CDH22: variants seen among roughly 807,000 people sequenced by gnomAD.
CDH22 encodes the protein cadherin 22.
In CDH22, 30 loss-of-function variants were observed where a neutral mutation model predicts 58.4. That is an observed-to-expected ratio of 0.51 (90% CI 0.38 to 0.70). CDH22 has a LOEUF of 0.70. Ranked by LOEUF, CDH22 falls within the 30% of genes least tolerant of loss-of-function variation. The pLI, the probability that CDH22 is intolerant of heterozygous loss-of-function variation, is 0.00. For synonymous variants in CDH22, 513 were observed against 558.2 expected (o/e 0.92, Z 1.14); for missense variants, 1,014 against 1,233.9 (o/e 0.82, Z 2.67).
At chr20:46,263,248 T>C (rs1052788003) in intron 1 of CDH22, among the ~76,000 whole-genome samples, 11 of 152,066 alleles carry the variant, frequency 7.2e-5, no homozygotes, top group Non-Finnish European at 1.6e-4. Flanking sequence ...CATGATGGGG[T>C]TGCCTGGTTA....
intron 1 of CDH22, among the ~76,000 whole-genome samples, chr20:46,257,258 G>A (rs992594030): frequency 1.3e-5 from 2 of 151,150 alleles, no homozygotes; most frequent in African/African-American, 4.9e-5. Context: ...GCTGCAATGA[G>A]ACATGATCAC....
chr20:46,243,969 A>G (rs1247845107), intron 2 of CDH22, among the ~76,000 whole-genome samples: 1 of 152,160 alleles, frequency 6.6e-6, no homozygotes, highest in Non-Finnish European at 1.5e-5. Context: ...CCACTCACTA[A>G]TGTTGGGACC....
intron 8 of CDH22, among the ~76,000 whole-genome samples, chr20:46,198,541 C>T (rs955181061): frequency 6.6e-6 from 1 of 152,080 alleles, no homozygotes. Context: ...CTATTGCTTT[C>T]AGCTTCTAGC....
At chr20:46,227,379 G>A (rs1431775393) in intron 4 of CDH22, 129 bp downstream of exon 4, 2 of 861,488 alleles carry the variant, frequency 2.3e-6, no homozygotes, top group African/African-American at 3.3e-5. Context: ...TGTGCACAAG[G>A]TGCCCCCTGT....
At chr20:46,302,734 T>A (rs970260237) in intron 1 of CDH22, among the ~76,000 whole-genome samples, 33 of 152,102 alleles carry the variant, frequency 2.2e-4, no homozygotes, top group Non-Finnish European at 4.3e-4. Flanking sequence ...CCATCCAGCA[T>A]CCCCACTCAT....
intron 4 of CDH22, among the ~76,000 whole-genome samples, chr20:46,226,231 C>CCCTCTT: frequency 1.2e-5 from 1 of 86,600 alleles, no homozygotes; most frequent in Admixed American, 1.1e-4. Context: ...TCTGGCAACA[C>CCCTCTT]CTTCTTCTTC....
In CDH22 at chr20:46,301,426, G is replaced by C. The variant is rs1308263362; in HGVS notation, c.-400+6829C>G. Among the ~76,000 whole-genome samples the C allele has an allele frequency of 2.6e-5, 4 of 152,036 alleles. No individual in the cohort carries two copies. The East Asian group carries it at 7.7e-4, about 29-fold the overall frequency. Reference sequence around the variant, plus strand: ...TTCAACTCTGCTCTGTCTGGCTCCAGAGCCCATGCACCTAATCAGTAGGTT... The same window carrying C: ...TTCAACTCTGCTCTGTCTGGCTCCACAGCCCATGCACCTAATCAGTAGGTT... On this transcript the variant is annotated intron_variant, in intron 1 of 11. Coordinates refer to ENST00000537909, the MANE Select transcript of CDH22 (RefSeq NM_021248.3).
At chr20:46,268,228 A>G (rs1007192334) in intron 1 of CDH22, among the ~76,000 whole-genome samples, 1 of 152,222 alleles carries the variant, frequency 6.6e-6, no homozygotes, top group African/African-American at 2.4e-5. Flanking sequence ...TGGAAACAAT[A>G]GCAGGCAAGA....
chr20:46,224,705 G>A (rs1255690616), intron 4 of CDH22, among the ~76,000 whole-genome samples: 1 of 152,122 alleles, frequency 6.6e-6, no homozygotes, highest in Non-Finnish European at 1.5e-5. Context: ...CCTACTACAT[G>A]GAAAGAAACT....
chr20:46,261,828 G>A (rs968626277), intron 1 of CDH22, among the ~76,000 whole-genome samples: 2 of 152,136 alleles, frequency 1.3e-5, no homozygotes, highest in African/African-American at 4.8e-5. Flanking sequence ...GAGGCATGGA[G>A]GGGTGCTGGG....
intron 4 of CDH22, among the ~76,000 whole-genome samples, chr20:46,222,182 C>T (rs1204885432): frequency 1.3e-5 from 2 of 152,208 alleles, no homozygotes; most frequent in Non-Finnish European, 2.9e-5. Flanking sequence ...CCTTGCTGAT[C>T]TCTTTCCTCA....
intron 8 of CDH22, among the ~76,000 whole-genome samples, chr20:46,198,039 C>G (rs927472064): frequency 6.6e-6 from 1 of 152,104 alleles, no homozygotes; most frequent in African/African-American, 2.4e-5. Flanking sequence ...GTCATGATTG[C>G]TTATTGGTGG....
intron 3 of CDH22, among the ~76,000 whole-genome samples, chr20:46,235,159 T>A (rs1440271107): frequency 6.6e-6 from 1 of 152,258 alleles, no homozygotes; most frequent in Non-Finnish European, 1.5e-5. Context: ...CACATTGAAT[T>A]GAATTTCTCA....
Position 46,251,397 on chromosome 20 carries a change from C to G in CDH22, c.-103G>C. On this transcript the variant is annotated 5_prime_UTR_variant, in exon 2 of 12. An upstream open reading frame in the 5' UTR loses its in-frame stop. Transcript: ENST00000537909. The surrounding 1 kb of genome is among the most constrained non-coding windows in gnomAD (Gnocchi z 6.7). ...GCGGCGCCGTGTCACATGGTGGCCT[C>G]AGCGCGGCCGCCGGGATGTCGCCCC... The G allele has an allele frequency of 1.6e-6, 2 of 1,289,860 alleles. No individual in the cohort carries two copies. The highest frequency in any genetic ancestry group is 2.0e-6 in the Non-Finnish European group (2 of 1,007,694). The allele number at this position is 1,289,860 out of a possible 1,614,324, so 79.9% of individuals were successfully genotyped here.
At chr20:46,289,894 G>A (rs554098153) in intron 1 of CDH22, among the ~76,000 whole-genome samples, 1 of 152,332 alleles carries the variant, frequency 6.6e-6, no homozygotes, top group East Asian at 1.9e-4. Flanking sequence ...TTGGCTTCAT[G>A]TTTGAGGCTA....
At chr20:46,191,191 C>T (rs2085859854) in intron 8 of CDH22, among the ~76,000 whole-genome samples, 1 of 151,962 alleles carries the variant, frequency 6.6e-6, no homozygotes, top group Non-Finnish European at 1.5e-5. Flanking sequence ...GGATGTTTTT[C>T]CTGGAAAAAC....
chr20:46,262,150 G>A (rs948739620), intron 1 of CDH22, among the ~76,000 whole-genome samples: 1 of 151,924 alleles, frequency 6.6e-6, no homozygotes, highest in Non-Finnish European at 1.5e-5. Flanking sequence ...TGGGGCCTGG[G>A]AGTGATGCAC....
At chr20:46,272,514 G>A (rs964429358) in intron 1 of CDH22, among the ~76,000 whole-genome samples, 1 of 152,120 alleles carries the variant, frequency 6.6e-6, no homozygotes, top group Non-Finnish European at 1.5e-5. Context: ...TGAGCCCTGG[G>A]GCACACCACC....
intron 3 of CDH22, among the ~76,000 whole-genome samples, chr20:46,239,129 G>A (rs1470974751): frequency 6.6e-6 from 1 of 152,200 alleles, no homozygotes; most frequent in Admixed American, 6.5e-5. Context: ...CTTGCTTATT[G>A]TCTGTCTTCC....
Sources: gnomAD v4.1 joint callset for allele counts (sites outside exome capture counted in the v4.1 genomes callset) on GRCh38, gnomAD v4.1.1 for gene constraint, Gnocchi (gnomAD v3.1) non-coding constraint, MANE v1.5 for transcripts, NCBI Gene and HGNC (gene_info 2026-07-23, HGNC 2026-07-21) for gene names.